Variants in LHPP observed in about 807,000 individuals in gnomAD.
The protein encoded by LHPP is phospholysine phosphohistidine inorganic pyrophosphate phosphatase, also known as hLHPP.
LHPP carries 24 observed loss-of-function variants against 30.3 expected under a neutral mutation model. That is an observed-to-expected ratio of 0.79 (90% CI 0.57 to 1.11). The LOEUF (loss-of-function observed/expected upper bound fraction) is 1.11, where lower values mean the gene tolerates loss of function less well. LHPP is among the 50% of genes most tolerant of loss of function. The probability of loss-of-function intolerance (pLI) is 0.00; values close to 1 mark genes in which losing one functional copy is unlikely to be tolerated. For missense variants in LHPP, 356 were observed against 367.2 expected, an observed-to-expected ratio of 0.97 and a Z score of 0.25; for synonymous variants, 150 against 157.1, an observed-to-expected ratio of 0.95 and a Z score of 0.34.
chr10:124,497,962 C>T (rs1192245906), intron 4 of LHPP, 74 bp from the exon 5 acceptor site: 13 of 1,189,456 alleles, frequency 1.1e-5, no homozygotes, highest in African/African-American at 6.0e-5. Flanking sequence ...ACATTTGGGA[C>T]AGTGTTTCCG....
intron 5 of LHPP, among the ~76,000 whole-genome samples, chr10:124,516,306 T>G (rs577076765): frequency 1.3e-5 from 2 of 152,198 alleles, no homozygotes; most frequent in Non-Finnish European, 2.9e-5. Flanking sequence ...TGCCTCTTCC[T>G]CTGGTAAGGA....
chr10:124,499,872 G>C (rs950830633), intron 5 of LHPP, among the ~76,000 whole-genome samples: 2 of 151,910 alleles, frequency 1.3e-5, no homozygotes, highest in African/African-American at 4.9e-5. Flanking sequence ...ACCTGCACCT[G>C]CCCTGAGATC....
Position 124,523,525 on chromosome 10 carries a change from G to T in LHPP, c.716+6254G>T, listed in dbSNP as rs1269766949. 2.0e-5 allele frequency among the ~76,000 whole-genome samples: 3 copies of T among 152,272 alleles called. No homozygotes were observed. Among genetic ancestry groups the T allele is most frequent in the African/African-American group, 7.2e-5 (3 of 41,482 alleles). On this transcript the variant is annotated intron_variant, in intron 6 of 6. Transcript: ENST00000368842. This position sits in a 1 kb window ranked among gnomAD's most constrained non-coding sequence, Gnocchi z 4.2. ...GATTTCAGAGTGTTTCCTGTTACGA[G>T]AAGGCTGTGGATTCGCTTTGGAACA...
At chr10:124,482,984 G>A (rs1355594519) in intron 1 of LHPP, among the ~76,000 whole-genome samples, 4 of 152,234 alleles carry the variant, frequency 2.6e-5, no homozygotes, top group Non-Finnish European at 5.9e-5. Flanking sequence ...GCCAGTGCCA[G>A]GCACGTAGTA....
chr10:124,613,151 C>A, intron 6 of LHPP, 113 bp from the exon 7 acceptor site: 1 of 829,682 alleles, frequency 1.2e-6, no homozygotes, highest in Non-Finnish European at 2.1e-6. Flanking sequence ...CCTGGCAGGA[C>A]CTGGAGGTTT....
intron 6 of LHPP, among the ~76,000 whole-genome samples, chr10:124,581,763 GTA>G (rs371486829): frequency 0.19 from 10,814 of 58,404 alleles, 587 homozygotes; most frequent in African/African-American, 0.32. Flanking sequence ...ATACATATAT[GTA>G]TATACACACA....
intron 1 of LHPP, among the ~76,000 whole-genome samples, chr10:124,471,194 G>C (rs889235275): frequency 6.6e-6 from 1 of 150,938 alleles, no homozygotes; most frequent in African/African-American, 2.4e-5. Flanking sequence ...CCTGACTCTT[G>C]TCCAGTTCTG....
intron 1 of LHPP, among the ~76,000 whole-genome samples, chr10:124,475,170 G>A (rs1952903488): frequency 6.6e-6 from 1 of 151,684 alleles, no homozygotes; most frequent in Non-Finnish European, 1.5e-5. Flanking sequence ...TTACAGGTGT[G>A]CACCACCACA....
intron 5 of LHPP, among the ~76,000 whole-genome samples, chr10:124,499,437 A>G (rs1953838653): frequency 6.6e-6 from 1 of 151,496 alleles, no homozygotes; most frequent in South Asian, 2.1e-4. Flanking sequence ...TGAGGTCAGG[A>G]GTTTGAGACC....
chr10:124,610,175 CAT>C (rs1282067826), intron 6 of LHPP, among the ~76,000 whole-genome samples: 1 of 152,358 alleles, frequency 6.6e-6, no homozygotes, highest in South Asian at 2.1e-4. Context: ...CAGGATCACG[CAT>C]GTCTTCAATG....
At chr10:124,464,512 A>G (rs1043939887) in intron 1 of LHPP, among the ~76,000 whole-genome samples, 2 of 152,228 alleles carry the variant, frequency 1.3e-5, no homozygotes, top group Non-Finnish European at 2.9e-5. Context: ...AGGGCAGCCC[A>G]GACCTAGGAC....
intron 3 of LHPP, among the ~76,000 whole-genome samples, chr10:124,492,921 C>T (rs561151951): frequency 1.3e-5 from 2 of 152,222 alleles, no homozygotes; most frequent in East Asian, 1.9e-4. Context: ...AGCTTCGTGG[C>T]ACACGCCTAT....
chr10:124,550,556 G>C (rs1209310878), intron 6 of LHPP, among the ~76,000 whole-genome samples: 2 of 152,244 alleles, frequency 1.3e-5, no homozygotes, highest in East Asian at 3.9e-4. Flanking sequence ...TGGCGTGGGA[G>C]GCGGCCCCAG....
intron 6 of LHPP, among the ~76,000 whole-genome samples, chr10:124,563,790 G>C (rs1008972064): frequency 5.3e-5 from 8 of 152,218 alleles, no homozygotes; most frequent in African/African-American, 1.9e-4. Flanking sequence ...ATGATAAGTG[G>C]CAGGAGCTGA....
At chr10:124,493,758 C>T (rs1262714757) in intron 3 of LHPP, 1 of 152,142 alleles carries the variant, frequency 6.6e-6, no homozygotes, top group Non-Finnish European at 1.5e-5. Context: ...ACATTCACGT[C>T]CTAAGTGGGG....
At position 124,498,095 on chromosome 10, in the gene LHPP, T is replaced by A; in HGVS notation, c.591T>A (p.Ser197=). The A allele has an allele frequency of 6.2e-7, 1 of 1,614,158 alleles. No individual in the cohort carries two copies. The highest frequency in any genetic ancestry group is 8.5e-7 in the Non-Finnish European group (1 of 1,180,012). The change falls in exon 5 of 7, where the codon TCT becomes TCA. Residue 197 remains serine, a synonymous_variant. Coordinates refer to ENST00000368842, the MANE Select transcript of LHPP (RefSeq NM_022126.4). ...AGCCTTCTCCTGAGTTTTTCAAGTC[T>A]GCCCTGCAAGCGATAGGAGTGGAAG... is the stretch of plus-strand genomic sequence containing the variant. ...VGKPSPEFFK[S]ALQAIGVEAH...
chr10:124,528,112 C>A (rs1589831822), intron 6 of LHPP, among the ~76,000 whole-genome samples: 1 of 152,154 alleles, frequency 6.6e-6, no homozygotes, highest in African/African-American at 2.4e-5. Flanking sequence ...TGGGGCTGAG[C>A]CCCAGCTGTG....
intron 6 of LHPP, among the ~76,000 whole-genome samples, chr10:124,539,352 G>A (rs1955116502): frequency 6.6e-6 from 1 of 152,200 alleles, no homozygotes; most frequent in Non-Finnish European, 1.5e-5. Flanking sequence ...TTGGCCGGGT[G>A]AGGTGGCCCT....
chr10:124,561,517 A>G (rs1325744022), intron 6 of LHPP, among the ~76,000 whole-genome samples: 1 of 151,900 alleles, frequency 6.6e-6, no homozygotes, highest in African/African-American at 2.4e-5. Context: ...CAGAGGTTAC[A>G]AGGCTATCCG....
Sources: gnomAD v4.1 joint callset for allele counts (sites outside exome capture counted in the v4.1 genomes callset) on GRCh38, gnomAD v4.1.1 for gene constraint, Gnocchi (gnomAD v3.1) non-coding constraint, MANE v1.5 for transcripts, NCBI Gene and HGNC (gene_info 2026-07-23, HGNC 2026-07-21) for gene names.